INSL6: variants seen among roughly 807,000 people sequenced by gnomAD.
INSL6 encodes insulin-like peptide INSL6.
In INSL6, 16 loss-of-function variants were observed where a neutral mutation model predicts 9.4. That is an observed-to-expected ratio of 1.70 (90% CI 1.15 to 2.59). INSL6 has a LOEUF of 2.59. INSL6 is among the 30% of genes most tolerant of loss of function. The pLI is 0.00. For synonymous variants in INSL6, 154 were observed against 96.9 expected (o/e 1.59, Z -3.46); for missense variants, 391 against 257.3 (o/e 1.52, Z -3.56).
chr9:5,102,139 T>C, the INSL6 span, among the ~76,000 whole-genome samples: 2 of 152,054 alleles, frequency 1.3e-5, no homozygotes, highest in African/African-American at 4.8e-5. Flanking sequence ...GCTAAAAACC[T>C]TGAAAAAAGA....
chr9:5,037,545 A>G, the INSL6 span, among the ~76,000 whole-genome samples: 42 of 152,184 alleles, frequency 2.8e-4, no homozygotes, highest in Non-Finnish European at 5.9e-5. Flanking sequence ...TGATGAGTTC[A>G]TGTCCTTTGT....
the INSL6 span, among the ~76,000 whole-genome samples, chr9:5,033,059 A>C: frequency 6.6e-6 from 1 of 152,246 alleles, no homozygotes; most frequent in African/African-American, 2.4e-5. Context: ...AAAGGACCTG[A>C]TGGAGCTGAA....
rs148912563 is a variant in INSL6 at position 5,125,350 on chromosome 9, T to C, written c.*11-839A>G. On this transcript the variant is annotated intron_variant, in intron 3 of 3. Coordinates refer to the INSL6 transcript ENST00000649639. ...ATTACAGCATGGGTAATTTACTGTA[T>C]TAGAAAAATGTACTGCAAATATGTT... Among the ~76,000 whole-genome samples the C allele has an allele frequency of 5.7e-3, 869 of 151,480 alleles. 9 individuals carry two copies. The highest frequency in any genetic ancestry group is 0.02 in the African/African-American group (831 of 41,504).
the INSL6 span, among the ~76,000 whole-genome samples, chr9:5,028,332 G>A: frequency 2.0e-5 from 3 of 152,118 alleles, no homozygotes; most frequent in Non-Finnish European, 2.9e-5. Flanking sequence ...TCTCAACGGT[G>A]GCTTAAAATA....
the INSL6 span, among the ~76,000 whole-genome samples, chr9:4,993,202 G>A: frequency 1.8e-4 from 27 of 152,292 alleles, no homozygotes; most frequent in African/African-American, 5.5e-4. Context: ...CCTAAGCTCT[G>A]TGTGAGTCTG....
downstream of INSL6, among the ~76,000 whole-genome samples, chr9:5,121,587 T>G (rs577010284): frequency 3.9e-5 from 6 of 152,262 alleles, no homozygotes; most frequent in Admixed American, 3.9e-4. Context: ...TCCCAAGAGA[T>G]AGTTACACGT....
the INSL6 span, among the ~76,000 whole-genome samples, chr9:5,021,462 C>T: frequency 6.6e-6 from 1 of 152,122 alleles, no homozygotes; most frequent in Non-Finnish European, 1.5e-5. Flanking sequence ...TAATCTTTGT[C>T]CACAGGAAGT....
chr9:5,035,244 G>C, the INSL6 span, among the ~76,000 whole-genome samples: 1 of 152,098 alleles, frequency 6.6e-6, no homozygotes, highest in African/African-American at 2.4e-5. Flanking sequence ...ATAATTAATA[G>C]TTTACCAACC....
the INSL6 span, among the ~76,000 whole-genome samples, chr9:5,073,371 A>G: frequency 3.9e-5 from 6 of 152,156 alleles, no homozygotes; most frequent in Non-Finnish European, 8.8e-5. Context: ...TCCTATATCT[A>G]TCTCTGACAT....
the INSL6 span, chr9:5,085,723 C>G: frequency 1.6e-4 from 121 of 752,342 alleles, no homozygotes; most frequent in East Asian, 4.4e-4. Flanking sequence ...TGGATCATTT[C>G]TGCAATTAAG....
chr9:5,013,950 A>C, the INSL6 span, among the ~76,000 whole-genome samples: 1 of 152,128 alleles, frequency 6.6e-6, no homozygotes, highest in African/African-American at 2.4e-5. Context: ...ACTTATTTTT[A>C]GGTCTCTTGG....
the INSL6 span, among the ~76,000 whole-genome samples, chr9:5,015,121 T>C: frequency 6.6e-6 from 1 of 152,246 alleles, no homozygotes; most frequent in African/African-American, 2.4e-5. Flanking sequence ...TCATTTATTT[T>C]AACAACTGAG....
the INSL6 span, among the ~76,000 whole-genome samples, chr9:5,025,522 G>C: frequency 1.4e-5 from 2 of 147,448 alleles, no homozygotes; most frequent in Admixed American, 1.4e-4. Context: ...TTGTTTAAGT[G>C]GATAGAGTTT....
chr9:5,018,721 C>T, the INSL6 span, among the ~76,000 whole-genome samples: 1 of 152,188 alleles, frequency 6.6e-6, no homozygotes, highest in Admixed American at 6.5e-5. Context: ...AATTCCTCAG[C>T]TTTTGCTTGC....
chr9:5,062,418 G>C, the INSL6 span, among the ~76,000 whole-genome samples: 2 of 142,138 alleles, frequency 1.4e-5, no homozygotes, highest in Non-Finnish European at 3.0e-5. Flanking sequence ...TGACACATAG[G>C]AAGTAAGCAT....
intron 2 of INSL6, among the ~76,000 whole-genome samples, chr9:5,134,595 G>A (rs978894125): frequency 1.1e-4 from 17 of 152,194 alleles, no homozygotes; most frequent in Non-Finnish European, 1.8e-4. Context: ...ACTAAGCTTC[G>A]TAATTGAAGG....
the INSL6 span, among the ~76,000 whole-genome samples, chr9:4,996,289 A>G: frequency 1.3e-5 from 2 of 152,178 alleles, no homozygotes; most frequent in Non-Finnish European, 2.9e-5. Context: ...TCTCTACTAA[A>G]TACAAAAAAA....
chr9:5,090,817 A>G, the INSL6 span: 1 of 1,613,602 alleles, frequency 6.2e-7, no homozygotes, highest in Non-Finnish European at 8.5e-7. Context: ...GAACGAGAAC[A>G]GAGTTAAAAT....
chr9:5,014,485 G>T, the INSL6 span, among the ~76,000 whole-genome samples: 1 of 152,112 alleles, frequency 6.6e-6, no homozygotes, highest in Non-Finnish European at 1.5e-5. Context: ...TCATTCTAGT[G>T]GTACAAGACA....
Sources: allele counts gnomAD v4.1 joint callset (sites outside exome capture counted in the v4.1 genomes callset), GRCh38; gene constraint gnomAD v4.1.1; transcripts MANE v1.5; gene names NCBI Gene and HGNC (gene_info 2026-07-23, HGNC 2026-07-21).